Variants in RP1 observed in about 807,000 individuals in gnomAD.
The protein encoded by RP1 is oxygen-regulated protein 1.
RP1 carries 16 observed loss-of-function variants against 14.8 expected under a neutral mutation model. The observed-to-expected ratio is 1.08, with a 90% CI of 0.73 to 1.65. The LOEUF (loss-of-function observed/expected upper bound fraction) is 1.65. Among genes scored for constraint, RP1 ranks in the 40% most tolerant of loss-of-function variants. The pLI, the probability that RP1 is intolerant of heterozygous loss-of-function variation, is 0.00. For synonymous variants in RP1, 876 were observed against 883.6 expected, an observed-to-expected ratio of 0.99 and a Z score of 0.15; for missense variants, 2,631 against 2,535.0, an observed-to-expected ratio of 1.04 and a Z score of -0.81.
chr8:54,613,577 T>C (rs1805645927), upstream of RP1, among the ~76,000 whole-genome samples: 1 of 152,176 alleles, frequency 6.6e-6, no homozygotes, highest in Admixed American at 6.5e-5. Context: ...ATGAAATGTA[T>C]AGAGAGTATA....
chr8:54,852,772 CTTTAA>C, intron 26 of RP1: 1 of 1,221,486 alleles, frequency 8.2e-7, no homozygotes, highest in South Asian at 4.2e-5. Flanking sequence ...ACTATCGTTC[CTTTAA>C]TTTATTTAAC....
At chr8:54,702,957 C>T (rs961786476) in intron 14 of RP1, among the ~76,000 whole-genome samples, 3 of 152,192 alleles carry the variant, frequency 2.0e-5, no homozygotes, top group Non-Finnish European at 4.4e-5. Flanking sequence ...AATTCAGTCA[C>T]AACTTCAAGC....
At chr8:54,673,693 T>C (rs1807230872) in intron 7 of RP1, among the ~76,000 whole-genome samples, 1 of 152,136 alleles carries the variant, frequency 6.6e-6, no homozygotes, top group Non-Finnish European at 1.5e-5. Context: ...TGAGACAAGA[T>C]TGTGTCATTG....
intron 24 of RP1, among the ~76,000 whole-genome samples, chr8:54,797,873 CT>C (rs71254593): frequency 0.24 from 26,944 of 110,270 alleles, 3,084 homozygotes; most frequent in Middle Eastern, 0.43. Context: ...GTTTCCCAAC[CT>C]TTTTTTTTTT....
At chr8:54,605,006 T>G (rs891524144) in intron 1 of RP1, among the ~76,000 whole-genome samples, 1 of 151,976 alleles carries the variant, frequency 6.6e-6, no homozygotes, top group Non-Finnish European at 1.5e-5. Context: ...GATTCATTGA[T>G]TTTTTGAAGG....
chr8:54,628,666 G>C lies in RP1; in HGVS notation c.4784G>C (p.Arg1595Pro). Reference protein sequence around the residue: ...SPVTSDWSDYRPDSDSEQPYK... With the variant: ...SPVTSDWSDYPPDSDSEQPYK... ...GTGACTTCTGATTGGTCAGACTATC[G>C]GCCTGACAGTGACAGTGAGCAGCCA... The change falls in exon 4 of 4, where the codon CGG becomes CCG. Residue 1595 changes from arginine to proline, a missense_variant. Physicochemically the swap from Arg to Pro is moderately radical, Grantham distance 103. Transcript: ENST00000220676. The C allele has an allele frequency of 6.2e-7, 1 of 1,613,924 alleles. No homozygotes were observed. The highest frequency in any genetic ancestry group is 8.5e-7 in the Non-Finnish European group (1 of 1,179,932).
intron 12 of RP1, among the ~76,000 whole-genome samples, chr8:54,695,126 G>A (rs1028549535): frequency 2.6e-5 from 4 of 151,984 alleles, no homozygotes; most frequent in Non-Finnish European, 2.9e-5. Flanking sequence ...GTAGTTGAGC[G>A]GTTTTGAGTG....
intron 19 of RP1, among the ~76,000 whole-genome samples, chr8:54,754,345 T>C (rs1195117689): frequency 6.6e-6 from 1 of 152,186 alleles, no homozygotes; most frequent in African/African-American, 2.4e-5. Context: ...GATTGTTTTT[T>C]TTTTTAAATC....
At chr8:54,804,401 G>A (rs556017429) in intron 24 of RP1, among the ~76,000 whole-genome samples, 2 of 152,244 alleles carry the variant, frequency 1.3e-5, no homozygotes, top group South Asian at 4.1e-4. Flanking sequence ...ACCCTTGTAG[G>A]GTAGACATTC....
intron 12 of RP1, among the ~76,000 whole-genome samples, chr8:54,692,260 A>T (rs1010764632): frequency 3.3e-5 from 5 of 150,758 alleles, no homozygotes; most frequent in African/African-American, 1.2e-4. Flanking sequence ...TATTGTGAAT[A>T]GTGCAACAAT....
At chr8:54,760,286 A>G (rs566489859) in intron 22 of RP1, among the ~76,000 whole-genome samples, 1 of 152,162 alleles carries the variant, frequency 6.6e-6, no homozygotes, top group Non-Finnish European at 1.5e-5. Context: ...TTGTTCATCA[A>G]GACTAGCTCA....
chr8:54,860,517 A>G (rs1444000192), intron 27 of RP1, among the ~76,000 whole-genome samples: 1 of 152,240 alleles, frequency 6.6e-6, no homozygotes, highest in Non-Finnish European at 1.5e-5. Context: ...AGTATCTTAA[A>G]TAAAATAGAT....
At chr8:54,661,674 C>T (rs968436471) in intron 6 of RP1, among the ~76,000 whole-genome samples, 4 of 152,030 alleles carry the variant, frequency 2.6e-5, no homozygotes, top group African/African-American at 4.8e-5. Flanking sequence ...AGTGCAGAAC[C>T]GTGTTTGAAT....
intron 1 of RP1, among the ~76,000 whole-genome samples, chr8:54,568,626 G>A (rs1033755795): frequency 1.3e-5 from 2 of 152,226 alleles, no homozygotes; most frequent in East Asian, 1.9e-4. Flanking sequence ...ACATTAAGAC[G>A]CTTGTGCTCT....
chr8:54,629,563 G>C lies in RP1; in HGVS notation c.5681G>C (p.Ser1894Thr), dbSNP rs1806189345. The C allele has an allele frequency of 6.2e-7, 1 of 1,614,056 alleles. No homozygotes were observed. The highest frequency in any genetic ancestry group is 1.3e-5 in the African/African-American group (1 of 75,054). ...DAIKNQPLPG[S>T]NMIHGTLQEA... ...ATTAAAAACCAACCATTGCCTGGCA[G>C]TAATATGATTCATGGTACACTTCAG... The change falls in exon 4 of 4, where the codon AGT becomes ACT. Residue 1894 changes from serine (S) to threonine (T), a missense_variant. Physicochemically the swap from Ser to Thr is moderately conservative, Grantham distance 58 (BLOSUM62 1). Transcript: ENST00000220676.
intron 1 of RP1, among the ~76,000 whole-genome samples, chr8:54,606,921 T>A (rs1481104300): frequency 6.6e-6 from 1 of 151,604 alleles, no homozygotes; most frequent in Non-Finnish European, 1.5e-5. Flanking sequence ...TTCTCTGTAT[T>A]GGTTATTCTA....
chr8:54,720,369 T>G, intron 16 of RP1: 1 of 1,369,780 alleles, frequency 7.3e-7, no homozygotes, highest in Non-Finnish European at 9.6e-7. Context: ...GTACAGTGTC[T>G]GAAAATTTCA....
At chr8:54,782,583 A>T (rs1810215358) in intron 23 of RP1, among the ~76,000 whole-genome samples, 1 of 152,152 alleles carries the variant, frequency 6.6e-6, no homozygotes, top group South Asian at 2.1e-4. Flanking sequence ...CACTCTAGGG[A>T]CAGGCTGTGA....
At chr8:54,833,675 G>T (rs1811590317) in intron 24 of RP1, among the ~76,000 whole-genome samples, 1 of 151,948 alleles carries the variant, frequency 6.6e-6, no homozygotes, top group African/African-American at 2.4e-5. Context: ...ATCATTCACT[G>T]TTGAAAATAT....
Sources: gnomAD v4.1 joint callset for allele counts (sites outside exome capture counted in the v4.1 genomes callset) on GRCh38, gnomAD v4.1.1 for gene constraint, MANE v1.5 for transcripts, NCBI Gene and HGNC (gene_info 2026-07-23, HGNC 2026-07-21) for gene names.